EHBP1L1: variants seen among roughly 807,000 people sequenced by gnomAD.
EHBP1L1 encodes EH domain-binding protein 1-like protein 1.
In EHBP1L1, 122 loss-of-function variants were observed where a neutral mutation model predicts 151.1. The ratio of observed to expected loss-of-function variants is 0.81; its 90% confidence interval spans 0.70 to 0.94. The LOEUF is 0.94. Among genes scored for constraint, EHBP1L1 ranks in the 40% least tolerant of loss-of-function variants. The probability of loss-of-function intolerance (pLI) is 0.00; values close to 1 mark genes in which losing one functional copy is unlikely to be tolerated. For synonymous variants in EHBP1L1, 878 were observed against 810.1 expected, an observed-to-expected ratio of 1.08 and a Z score of -1.42; for missense variants, 1,941 against 1,959.8, an observed-to-expected ratio of 0.99 and a Z score of 0.18.
At chr11:65,584,793 C>A in intron 11 of EHBP1L1, 166 bp from the exon 12 acceptor site, 1 of 1,061,990 alleles carries the variant, frequency 9.4e-7, no homozygotes, top group Non-Finnish European at 1.3e-6. Context: ...CTAAGCAACG[C>A]GAGGGCGGGC....
rs1857518073 is a variant in EHBP1L1, at chr11:65,579,987, A to C, written c.310A>C (p.Asn104His). The C allele has an allele frequency of 6.2e-7, 1 of 1,613,742 alleles. No individual in the cohort carries two copies. Among genetic ancestry groups the C allele is most frequent in the African/African-American group, 1.3e-5 (1 of 74,890 alleles). ...EAKEWTFIIE[N>H]ESKGQRKVLA... Reference sequence around the variant, plus strand: ...CAAAGAGTGGACATTTATTATTGAAAATGTGAGTGTCTGGAGTGGGCTCAG... The same window carrying C: ...CAAAGAGTGGACATTTATTATTGAACATGTGAGTGTCTGGAGTGGGCTCAG... The change falls in exon 4 of 19, where the codon AAT (asparagine) becomes CAT (histidine). Residue 104 changes from asparagine to histidine, a missense_variant and splice_region_variant. Asn to His is a moderately conservative substitution (Grantham distance 68). Coordinates refer to ENST00000309295, the MANE Select transcript of EHBP1L1 (RefSeq NM_001099409.3).
At chr11:65,584,615 A>C (rs1857834747) in intron 11 of EHBP1L1, 81 bp downstream of exon 11, 3 of 1,544,306 alleles carry the variant, frequency 1.9e-6, no homozygotes, top group African/African-American at 1.4e-5. Flanking sequence ...GAGAAAGTGG[A>C]CTGCCGGGCC....
rs1857515429 is a variant in EHBP1L1 at position 65,579,937 on chromosome 11, AC to A, written c.265del (p.His89ThrfsTer45). ...ACTCACCAGCACCCTTCTTCCCAGG[AC>A]CCCCACGTGGACCAGTATGAGGCCA... Reference protein sequence around the residue: ...NVDISVTLYRDPHVDQYEAKE... With the variant: ...NVDISVTLYRXPHVDQYEAKE... On this transcript the variant is annotated frameshift_variant and splice_region_variant, in exon 4 of 19. Coordinates refer to ENST00000309295, the MANE Select transcript of EHBP1L1 (RefSeq NM_001099409.3). LOFTEE classifies it high-confidence loss of function. 1 of 1,613,244 alleles carries A rather than the reference AC, an allele frequency of 6.2e-7. No homozygotes were observed. Among genetic ancestry groups the A allele is most frequent in the African/African-American group, 1.3e-5 (1 of 74,716 alleles).
Position 65,582,242 on chromosome 11 carries a change from G to C in EHBP1L1, c.1570G>C (p.Glu524Gln). Residue 524 changes from glutamate to glutamine, a missense_variant, in exon 9 of 19, where the codon GAG becomes CAG. By Grantham distance (29) the Glu-to-Gln change is conservative. Transcript: ENST00000309295. Reference protein sequence around the residue: ...GAPGIEGTGLEQGPSVGAIST... With the variant: ...GAPGIEGTGLQQGPSVGAIST... The stretch of plus-strand genomic sequence containing the variant: ...ACCTGGTATTGAGGGGACAGGCCTG[G>C]AGCAGGGCCCTTCTGTTGGAGCAAT... The C allele has an allele frequency of 6.5e-7, 1 of 1,528,126 alleles. No homozygotes were observed. Among genetic ancestry groups the C allele is most frequent in the Non-Finnish European group, 8.8e-7 (1 of 1,142,774 alleles). 94.7% of individuals were successfully genotyped at this position (1,528,126 alleles called of 1,614,324 possible). A position where few individuals can be genotyped will look rare whatever the true frequency, so the allele number is the denominator to read the frequency against.
intron 12 of EHBP1L1, among the ~76,000 whole-genome samples, chr11:65,588,887 G>GCT (rs1858112658): frequency 6.6e-6 from 1 of 152,202 alleles, no homozygotes; most frequent in Non-Finnish European, 1.5e-5. Context: ...CCCCCTTTTG[G>GCT]CCAGGAGGTG....
At chr11:65,586,092 C>T (rs1013935389) in intron 12 of EHBP1L1, among the ~76,000 whole-genome samples, 2 of 152,200 alleles carry the variant, frequency 1.3e-5, no homozygotes, top group Admixed American at 1.3e-4. Flanking sequence ...TTCTCCAGGG[C>T]CTCCCAGCCC....
chr11:65,585,200 G>T lies in EHBP1L1; in HGVS notation c.3542G>T (p.Arg1181Leu). 8.4e-7 allele frequency: 1 copy of T among 1,194,822 alleles called. No individual in the cohort carries two copies. Among genetic ancestry groups the T allele is most frequent in the South Asian group, 2.7e-5 (1 of 37,344 alleles). The allele number at this position is 1,194,822 out of a possible 1,614,324, so 74.0% of individuals were successfully genotyped here. A position where few individuals can be genotyped will look rare whatever the true frequency, so the allele number is the denominator to read the frequency against. Residue 1181 changes from arginine (R) to leucine (L), a missense_variant, in exon 12 of 19, where the codon CGG becomes CTG. Coordinates refer to ENST00000309295, the MANE Select transcript of EHBP1L1 (RefSeq NM_001099409.3). This position sits in a 1 kb window ranked among gnomAD's most constrained non-coding sequence, Gnocchi z 4.0. ...CTGGACGCCGGAGGCCTGGCGCAGC[G>T]GCTGCGCGGTCACGGGGCCGAGGGG... ...DDLDAGGLAQ[R>L]LRGHGAEGPQ...
Position 65,582,912 on chromosome 11 carries a change from A to C in EHBP1L1, c.2240A>C (p.Asp747Ala). 1 of 1,613,470 alleles carries C rather than the reference A, an allele frequency of 6.2e-7. No individual in the cohort carries two copies. Residue 747 changes from aspartate to alanine, a missense_variant, in exon 9 of 19, where the codon GAC becomes GCC. Physicochemically the swap from Asp to Ala is moderately radical, Grantham distance 126. Transcript: ENST00000309295. ...REIEAEIAESDILVAQEIEVG... is the reference protein window; with the variant it reads ...REIEAEIAESAILVAQEIEVG... ...ATAGAAGCAGAGATAGCAGAGTCTGACATATTGGTAGCCCAGGAGATAGAG... is the reference window on the plus strand; with the variant it reads ...ATAGAAGCAGAGATAGCAGAGTCTGCCATATTGGTAGCCCAGGAGATAGAG...
chr11:65,581,754 G>GA lies in EHBP1L1; in HGVS notation c.1082_1083insA (p.Ser361ArgfsTer3). 2 of 1,609,122 alleles carry GA rather than the reference G, an allele frequency of 1.2e-6. No individual in the cohort carries two copies. The highest frequency in any genetic ancestry group is 1.7e-6 in the Non-Finnish European group (2 of 1,177,820). On this transcript the variant is annotated frameshift_variant, in exon 9 of 19. Transcript: ENST00000309295. LOFTEE classifies it high-confidence loss of function. ...GCCCATGGAGCTAGGCTGGGCCCGAGCATTGAGGATAAAGGTTCTGGAGAC... is the reference window on the plus strand; with the variant it reads ...GCCCATGGAGCTAGGCTGGGCCCGAGACATTGAGGATAAAGGTTCTGGAGAC...
At position 65,584,352 on chromosome 11, in the gene EHBP1L1, G is replaced by A; in HGVS notation, c.3205G>A (p.Gly1069Ser). 1.9e-6 allele frequency: 3 copies of A among 1,610,054 alleles called. No individual in the cohort carries two copies. Among genetic ancestry groups the A allele is most frequent in the Non-Finnish European group, 2.5e-6 (3 of 1,177,542 alleles). Residue 1069 changes from glycine to serine, a missense_variant, in exon 10 of 19, where the codon GGC (glycine) becomes AGC (serine). Transcript: ENST00000309295. ...ITNFTTSWRN[G>S]LAFCAILHRF... ...CAACTTCACCACATCCTGGCGCAAC[G>A]GCTTGGCCTTCTGTGCCATCCTGCA... is the stretch of plus-strand genomic sequence containing the variant.
In EHBP1L1 at chr11:65,590,414, C is replaced by T. The variant is rs542040995; in HGVS notation, c.4184-79C>T. The T allele has an allele frequency of 4.7e-4, 719 of 1,544,860 alleles. 8 individuals are homozygous for T. In the South Asian group the frequency reaches 7.7e-3, roughly 17 times the overall value. On this transcript the variant is annotated intron_variant, in intron 15 of 18. Transcript: ENST00000309295. ...TTCTGGGATGTCACAAGGGAGCAAA[C>T]CCCCTCCCCCAACCCCCAGCTGCCC...
Position 65,581,572 on chromosome 11 carries a change from C to T in EHBP1L1, c.900C>T (p.Pro300=). 1.3e-6 allele frequency: 2 copies of T among 1,511,746 alleles called. No homozygotes were observed. Among genetic ancestry groups the T allele is most frequent in the Non-Finnish European group, 1.8e-6 (2 of 1,131,112 alleles). 93.6% of individuals were successfully genotyped at this position (1,511,746 alleles called of 1,614,324 possible). A position where few individuals can be genotyped will look rare whatever the true frequency, so the allele number is the denominator to read the frequency against. Residue 300 remains proline (P), a synonymous_variant, in exon 9 of 19, where the codon CCC becomes CCT. Transcript: ENST00000309295. ...SSRQPAQDTA[P]TPAPRLRKGS... ...GGCAGCCAGCCCAGGACACGGCCCC[C>T]ACCCCAGCCCCTCGGCTCCGGAAAG...
Position 65,590,097 on chromosome 11 carries a change from A to T in EHBP1L1, c.4070A>T (p.Gln1357Leu). The stretch of plus-strand genomic sequence containing the variant: ...CTTTTCCACCCCCAGCAACGGTTCC[A>T]GGACACAAGTCAGTACGTGTGTGCA... ...PGEEAGLQRFQDTSQYVCAEL... is the reference protein window; with the variant it reads ...PGEEAGLQRFLDTSQYVCAEL... The change falls in exon 15 of 19, where the codon CAG becomes CTG. Residue 1357 changes from glutamine to leucine, a missense_variant. Physicochemically the swap from Gln to Leu is moderately radical, Grantham distance 113. Transcript: ENST00000309295. The T allele has an allele frequency of 6.2e-7, 1 of 1,613,870 alleles. No individual in the cohort carries two copies. The highest frequency in any genetic ancestry group is 8.5e-7 in the Non-Finnish European group (1 of 1,179,812).
Position 65,580,240 on chromosome 11 carries a change from C to T in EHBP1L1, c.472C>T (p.Leu158=), listed in dbSNP as rs1857532092. The change falls in exon 5 of 19, where the codon CTG becomes TTG. Residue 158 remains leucine (L), a synonymous_variant. Coordinates refer to ENST00000309295, the MANE Select transcript of EHBP1L1 (RefSeq NM_001099409.3). ...ELSLTLSGVL[L]REGRATDDDM... is the part of the protein sequence containing the mutation. ...GAGCCTCACTCTTTCCGGGGTGCTG[C>T]TGCGGGAGGGCCGTGCCACGTGAGT... is the stretch of plus-strand genomic sequence containing the variant. 2 of 1,613,428 alleles carry T rather than the reference C, an allele frequency of 1.2e-6. No homozygotes were observed. Among genetic ancestry groups the T allele is most frequent in the Non-Finnish European group, 8.5e-7 (1 of 1,179,830 alleles).
At position 65,584,985 on chromosome 11, in the gene EHBP1L1, C is replaced by A. The variant is rs990059368; in HGVS notation, c.3327C>A (p.Gly1109=). 49 of 1,534,022 alleles carry A rather than the reference C, an allele frequency of 3.2e-5. No individual in the cohort carries two copies. Among genetic ancestry groups the A allele is most frequent in the Non-Finnish European group, 4.1e-5 (47 of 1,146,158 alleles). ...KQAFDGFAAL[G]VSRLLEPADM... is the part of the protein sequence containing the mutation. ...CCTTCGATGGCTTCGCGGCTCTGGG[C>A]GTGTCGCGGCTGCTGGAGCCCGCGG... Residue 1109 remains glycine, a synonymous_variant, in exon 12 of 19, where the codon GGC becomes GGA. Transcript: ENST00000309295.
intron 6 of EHBP1L1, chr11:65,580,800 A>G (rs1857559824): frequency 2.2e-6 from 2 of 900,944 alleles, no homozygotes; most frequent in East Asian, 5.9e-5. Context: ...ATCCCTCACC[A>G]CCAGCCCTCC....
At chr11:65,583,828 C>T (rs1158323213) in intron 9 of EHBP1L1, 63 bp downstream of exon 9, 8 of 1,436,014 alleles carry the variant, frequency 5.6e-6, no homozygotes, top group South Asian at 1.5e-5. Context: ...GCTGAGCGAA[C>T]GGCGGCTCTG....
chr11:65,583,110 C>G lies in EHBP1L1; in HGVS notation c.2438C>G (p.Thr813Arg). The G allele has an allele frequency of 6.2e-7, 1 of 1,613,238 alleles. No individual in the cohort carries two copies. The highest frequency in any genetic ancestry group is 8.5e-7 in the Non-Finnish European group (1 of 1,179,742). ...GAGGTTCCAGAGATAGCGACTGGGA[C>G]AGCAGAAACTGAGATATTGGGGACC... ...GSEVPEIATG[T>R]AETEILGTQE... is the part of the protein sequence containing the mutation. Residue 813 changes from threonine to arginine, a missense_variant, in exon 9 of 19, where the codon ACA becomes AGA. By Grantham distance (71) the Thr-to-Arg change is moderately conservative (BLOSUM62 -1). Coordinates refer to ENST00000309295, the MANE Select transcript of EHBP1L1 (RefSeq NM_001099409.3).
intron 11 of EHBP1L1, 176 bp from the exon 12 acceptor site, chr11:65,584,783 C>A: frequency 9.8e-7 from 1 of 1,020,860 alleles, no homozygotes; most frequent in Non-Finnish European, 1.4e-6. Flanking sequence ...TGTGCCGTTG[C>A]TAAGCAACGC....
Sources: allele counts gnomAD v4.1 joint callset (sites outside exome capture counted in the v4.1 genomes callset), GRCh38; gene constraint gnomAD v4.1.1; non-coding constraint Gnocchi (gnomAD v3.1); transcripts MANE v1.5; gene names NCBI Gene and HGNC (gene_info 2026-07-23, HGNC 2026-07-21).